CADM1: variants seen among roughly 807,000 people sequenced by gnomAD.
The protein encoded by CADM1 is TSLC-1.
In CADM1, 15 loss-of-function variants were observed where a neutral mutation model predicts 53.1. The observed-to-expected ratio is 0.28, with a 90% CI of 0.19 to 0.44. The LOEUF is 0.44. Among genes scored for constraint, CADM1 ranks in the 20% least tolerant of loss-of-function variants. CADM1 has a pLI of 1.00. For missense variants in CADM1, 434 were observed against 611.3 expected (o/e 0.71, Z 3.06); for synonymous variants, 281 against 243.0 (o/e 1.16, Z -1.45).
intron 1 of CADM1, among the ~76,000 whole-genome samples, chr11:115,300,441 A>G (rs2135133603): frequency 6.6e-6 from 1 of 152,264 alleles, no homozygotes; most frequent in Non-Finnish European, 1.5e-5. Flanking sequence ...GAGAAAGATA[A>G]AATTAAGGCA....
At chr11:115,333,666 T>C (rs953610496) in intron 1 of CADM1, 2 of 152,146 alleles carry the variant, frequency 1.3e-5, no homozygotes, top group African/African-American at 4.8e-5. Flanking sequence ...GTCGGTATCA[T>C]CTTGATAGCA....
chr11:115,425,915 G>T (rs1376031291), intron 1 of CADM1, among the ~76,000 whole-genome samples: 1 of 152,136 alleles, frequency 6.6e-6, no homozygotes, highest in African/African-American at 2.4e-5. Context: ...TCACCTGTGG[G>T]CTTCAAACAG....
At chr11:115,487,491 A>G (rs1565451315) in intron 1 of CADM1, among the ~76,000 whole-genome samples, 2 of 152,206 alleles carry the variant, frequency 1.3e-5, no homozygotes, top group Non-Finnish European at 1.5e-5. Flanking sequence ...TGAAACAAGG[A>G]TAAAGAGATG....
chr11:115,457,493 C>G (rs1303063894), intron 1 of CADM1, among the ~76,000 whole-genome samples: 1 of 152,074 alleles, frequency 6.6e-6, no homozygotes, highest in Non-Finnish European at 1.5e-5. Context: ...TCTTAGTTAG[C>G]CAGCACAAAA....
rs1193076583 is a variant in CADM1 at position 115,171,506 on chromosome 11, A to G, written c.*4968T>C. On this transcript the variant is annotated 3_prime_UTR_variant, in exon 12 of 12. Coordinates refer to ENST00000331581, the MANE Select transcript of CADM1 (RefSeq NM_001301043.2). Reference sequence around the variant, plus strand: ...AGAATGCCAGGCCAAAACATTTGTGAAAACTCTCTGGGGGAAACGAGGGCC... The same window carrying G: ...AGAATGCCAGGCCAAAACATTTGTGGAAACTCTCTGGGGGAAACGAGGGCC... 5 of 152,228 alleles carry G rather than the reference A, an allele frequency of 3.3e-5. No homozygotes were observed. The highest frequency in any genetic ancestry group is 5.9e-5 in the Non-Finnish European group (4 of 68,044). The allele number at this position is 152,228 out of a possible 1,614,324, so 9.4% of individuals were successfully genotyped here.
intron 1 of CADM1, among the ~76,000 whole-genome samples, chr11:115,446,643 T>G (rs76795072): frequency 1.3e-5 from 2 of 152,150 alleles, no homozygotes; most frequent in Non-Finnish European, 2.9e-5. Flanking sequence ...TAAATCAGTA[T>G]GAAAATGACA....
At chr11:115,418,809 T>C (rs1184455694) in intron 1 of CADM1, among the ~76,000 whole-genome samples, 6 of 152,034 alleles carry the variant, frequency 3.9e-5, no homozygotes, top group Non-Finnish European at 8.8e-5. Context: ...ATGACTGCAA[T>C]AAAACAATGC....
chr11:115,441,574 C>T (rs1948313425), intron 1 of CADM1, among the ~76,000 whole-genome samples: 1 of 152,278 alleles, frequency 6.6e-6, no homozygotes, highest in Admixed American at 6.5e-5. Context: ...AAATTTATCA[C>T]TATGCTATTA....
intron 1 of CADM1, among the ~76,000 whole-genome samples, chr11:115,424,930 T>C (rs1411621141): frequency 6.6e-6 from 1 of 152,090 alleles, no homozygotes; most frequent in Non-Finnish European, 1.5e-5. Flanking sequence ...CATCAGTATA[T>C]AGTATAAAAT....
chr11:115,451,075 C>T (rs137988916), intron 1 of CADM1, among the ~76,000 whole-genome samples: 1 of 152,282 alleles, frequency 6.6e-6, no homozygotes, highest in East Asian at 1.9e-4. Flanking sequence ...TAAGAATAAT[C>T]TGGAAATAAA....
chr11:115,435,620 C>T (rs975791896), intron 1 of CADM1, among the ~76,000 whole-genome samples: 1 of 152,294 alleles, frequency 6.6e-6, no homozygotes, highest in Non-Finnish European at 1.5e-5. Context: ...ATAGTCCCAG[C>T]TACTCAGGAG....
intron 1 of CADM1, among the ~76,000 whole-genome samples, chr11:115,271,261 A>T (rs1943288364): frequency 6.6e-6 from 1 of 151,818 alleles, no homozygotes; most frequent in South Asian, 2.1e-4. Context: ...TATATAGTTT[A>T]TGTTGTTGTT....
chr11:115,349,857 T>C lies in CADM1; in HGVS notation c.125-109437A>G, dbSNP rs1465827667. Among the ~76,000 whole-genome samples the C allele has an allele frequency of 3.9e-5, 6 of 152,204 alleles. No individual in the cohort carries two copies. The East Asian group carries it at 9.6e-4, about 24-fold the overall frequency. ...ATTTTGTTCAGAGTATACATGTCTA[T>C]GGAACTGTCGGGGAGGTAGTTCACA... is the stretch of plus-strand genomic sequence containing the variant. On this transcript the variant is annotated intron_variant, in intron 1 of 11. Transcript: ENST00000331581.
intron 1 of CADM1, among the ~76,000 whole-genome samples, chr11:115,326,555 C>T (rs1261357900): frequency 6.6e-6 from 1 of 152,076 alleles, no homozygotes. Context: ...ACTCAATTTC[C>T]TATGTGCCCA....
At chr11:115,411,485 T>C (rs1947458243) in intron 1 of CADM1, among the ~76,000 whole-genome samples, 2 of 152,140 alleles carry the variant, frequency 1.3e-5, no homozygotes, top group African/African-American at 4.8e-5. Flanking sequence ...AAACTGGAAA[T>C]ATGTTAAGAA....
intron 1 of CADM1, among the ~76,000 whole-genome samples, chr11:115,269,510 C>A (rs748447989): frequency 1.3e-5 from 2 of 152,128 alleles, no homozygotes; most frequent in African/African-American, 2.4e-5. Context: ...AAACTAGGAG[C>A]TGTACTACAC....
intron 1 of CADM1, among the ~76,000 whole-genome samples, chr11:115,356,240 TTA>T (rs1273673482): frequency 2.0e-5 from 3 of 148,248 alleles, no homozygotes; most frequent in Non-Finnish European, 3.0e-5. Context: ...TGATTTTATA[TTA>T]TATATATTAT....
In CADM1 at chr11:115,178,650, G is replaced by T; in HGVS notation, c.1291C>A (p.His431Asn). 1 of 1,613,068 alleles carries T rather than the reference G, an allele frequency of 6.2e-7. No homozygotes were observed. Residue 431 changes from histidine (H) to asparagine (N), a missense_variant, in exon 11 of 12, where the codon CAT (histidine) becomes AAT (asparagine). His to Asn is a moderately conservative substitution (Grantham distance 68, BLOSUM62 1). Transcript: ENST00000331581. ...CTGCTGAAGCTTTGCTTACCTTTAT[G>T]TCTGGCAAAATAGCGCCCCAGAATG... ...LIILGRYFAR[H>N]KGTYFTHEAK...
rs1943034409 is a variant in CADM1, at chr11:115,263,351, T to C, written c.125-22931A>G. 2.0e-5 allele frequency among the ~76,000 whole-genome samples: 3 copies of C among 152,370 alleles called. No homozygotes were observed. In the South Asian group the frequency reaches 6.2e-4, roughly 32 times the overall value. Reference sequence around the variant, plus strand: ...TAAAGAATTTGTAGATATATGTGTATGTTAAAACCACCAGAGGAATTAATA... The same window carrying C: ...TAAAGAATTTGTAGATATATGTGTACGTTAAAACCACCAGAGGAATTAATA... On this transcript the variant is annotated intron_variant, in intron 1 of 11. Coordinates refer to ENST00000331581, the MANE Select transcript of CADM1 (RefSeq NM_001301043.2).
Sources: gnomAD v4.1 joint callset for allele counts (sites outside exome capture counted in the v4.1 genomes callset) on GRCh38, gnomAD v4.1.1 for gene constraint, MANE v1.5 for transcripts, NCBI Gene and HGNC (gene_info 2026-07-23, HGNC 2026-07-21) for gene names.